Variants in TMEM106C observed in about 807,000 individuals in gnomAD.
TMEM106C encodes transmembrane protein 106C.
TMEM106C carries 27 observed loss-of-function variants against 30.8 expected under a neutral mutation model. That is an observed-to-expected ratio of 0.88 (90% confidence interval 0.65 to 1.21). The LOEUF (loss-of-function observed/expected upper bound fraction) is 1.21, where lower values mean the gene tolerates loss of function less well. Among genes scored for constraint, TMEM106C ranks in the 50% most tolerant of loss-of-function variants. TMEM106C has a pLI of 0.00. For synonymous variants in TMEM106C, 123 were observed against 118.8 expected (o/e 1.04, Z -0.23); for missense variants, 288 against 307.8 (o/e 0.94, Z 0.48).
intron 5 of TMEM106C, 47 bp downstream of exon 5, chr12:47,966,276 G>T (rs1432356874): frequency 6.3e-6 from 10 of 1,595,376 alleles, no homozygotes; most frequent in Non-Finnish European, 8.6e-6. Flanking sequence ...TAAGAGAAGA[G>T]TAGGGGGCTG....
intron 7 of TMEM106C, 142 bp downstream of exon 7, chr12:47,967,403 AC>A (rs1938275086): frequency 1.3e-6 from 1 of 782,744 alleles, no homozygotes; most frequent in East Asian, 2.4e-5. Context: ...GATACAGTAG[AC>A]CCTTGGTGTT....
chr12:47,964,666 C>T, intron 2 of TMEM106C: 2 of 528,908 alleles, frequency 3.8e-6, no homozygotes, highest in Non-Finnish European at 3.4e-6. Context: ...TTGGAACATT[C>T]AGTTCGCTCT....
chr12:47,966,288 A>G lies in TMEM106C; in HGVS notation c.552+59A>G. 3.2e-6 allele frequency: 5 copies of G among 1,585,926 alleles called. No homozygotes were observed. The South Asian group carries it at 5.6e-5, about 18-fold the overall frequency. Reference sequence around the variant, plus strand: ...GCCTAAGAGAAGAGTAGGGGGCTGTAGGAATGCCATAGCTGTGTCACTTTC... The same window carrying G: ...GCCTAAGAGAAGAGTAGGGGGCTGTGGGAATGCCATAGCTGTGTCACTTTC... On this transcript the variant is annotated intron_variant, in intron 5 of 7. Coordinates refer to ENST00000429772, the MANE Select transcript of TMEM106C (RefSeq NM_001143842.2).
intron 1 of TMEM106C, 107 bp from the exon 2 acceptor site, chr12:47,964,102 A>T (rs1938138647): frequency 4.5e-6 from 4 of 891,132 alleles, no homozygotes; most frequent in Non-Finnish European, 6.9e-6. Context: ...GACCACACTC[A>T]GGGCGGCAAC....
At position 47,965,313 on chromosome 12, in the gene TMEM106C, A is replaced by C. The variant is rs1938186039; in HGVS notation, c.219A>C (p.Pro73=). 6.2e-7 allele frequency: 1 copy of C among 1,614,146 alleles called. No individual in the cohort carries two copies. Among genetic ancestry groups the C allele is most frequent in the Non-Finnish European group, 8.5e-7 (1 of 1,180,010 alleles). Reference sequence around the variant, plus strand: ...TAAATGAGTTGGTGGCTTTGATCCCACACAGTGATCAGAGATTGCGCCCTC... The same window carrying C: ...TAAATGAGTTGGTGGCTTTGATCCCCCACAGTGATCAGAGATTGCGCCCTC... The part of the protein sequence containing the change: ...EQVNELVALI[P]HSDQRLRPQR... The change falls in exon 3 of 8, where the codon CCA becomes CCC. Residue 73 remains proline, a synonymous_variant. Transcript: ENST00000429772.
At chr12:47,967,106 G>T in intron 6 of TMEM106C, 102 bp from the exon 7 acceptor site, 2 of 1,217,070 alleles carry the variant, frequency 1.6e-6, no homozygotes, top group South Asian at 2.5e-5. Flanking sequence ...TAGGTCGGAA[G>T]GGGGAGGGGG....
intron 1 of TMEM106C, 68 bp from the exon 2 acceptor site, chr12:47,964,141 A>G (rs1938140060): frequency 7.2e-7 from 1 of 1,397,080 alleles, no homozygotes; most frequent in Admixed American, 2.1e-5. Context: ...TAATTTTCTT[A>G]TAGAAACAAG....
In TMEM106C at chr12:47,968,634, C is replaced by A; in HGVS notation, c.*405C>A. Reference sequence around the variant, plus strand: ...TGCCTCATCTGTGCAGAAGTGGCAGCAGAGAGGGACCATCCAAATACCTAA... The same window carrying A: ...TGCCTCATCTGTGCAGAAGTGGCAGAAGAGAGGGACCATCCAAATACCTAA... On this transcript the variant is annotated 3_prime_UTR_variant, in exon 8 of 8. Transcript: ENST00000429772. 1 of 281,592 alleles carries A rather than the reference C, an allele frequency of 3.6e-6. No individual in the cohort carries two copies. Among genetic ancestry groups the A allele is most frequent in the Non-Finnish European group, 7.0e-6 (1 of 143,726 alleles). 17.4% of individuals were successfully genotyped at this position (281,592 alleles called of 1,614,324 possible).
chr12:47,965,403 A>G, intron 3 of TMEM106C, 58 bp downstream of exon 3: 3 of 1,409,702 alleles, frequency 2.1e-6, no homozygotes, highest in Non-Finnish European at 3.0e-6. Flanking sequence ...CTCTTTCTGT[A>G]TGTATGAATG....
At chr12:47,964,740 G>A (rs531583882) in intron 2 of TMEM106C, 28 of 374,448 alleles carry the variant, frequency 7.5e-5, no homozygotes, top group Middle Eastern at 7.7e-4. Context: ...GGACAGCTTT[G>A]CGGGGGAACC....
At position 47,966,726 on chromosome 12, in the gene TMEM106C, A is replaced by AT; in HGVS notation, c.597dup (p.Val200CysfsTer9). Reference sequence around the variant, plus strand: ...GCCGAGATGGGAGGACCGTTTTCCTATGTGTAGTAAGGACACTGTTCTCTC... The same window carrying AT: ...GCCGAGATGGGAGGACCGTTTTCCTATTGTGTAGTAAGGACACTGTTCTCTC... On this transcript the variant is annotated frameshift_variant, in exon 6 of 8. Transcript: ENST00000429772. LOFTEE classifies it high-confidence loss of function. The AT allele has an allele frequency of 6.2e-7, 1 of 1,614,076 alleles. No homozygotes were observed. The highest frequency in any genetic ancestry group is 8.5e-7 in the Non-Finnish European group (1 of 1,179,996).
At chr12:47,966,426 G>A (rs977867315) in intron 5 of TMEM106C, 197 bp downstream of exon 5, 32 of 724,902 alleles carry the variant, frequency 4.4e-5, no homozygotes, top group Admixed American at 2.7e-4. Context: ...CATTTGGGGA[G>A]CAGAATAATT....
chr12:47,966,355 G>A (rs964560562), intron 5 of TMEM106C, 126 bp downstream of exon 5: 2 of 1,135,716 alleles, frequency 1.8e-6, no homozygotes, highest in Admixed American at 2.5e-5. Flanking sequence ...CTGGTGATGA[G>A]GAAGACCTGT....
rs934538082 is a variant in TMEM106C, at chr12:47,964,572, G to T, written c.187+149G>T. On this transcript the variant is annotated intron_variant, in intron 2 of 7. Transcript: ENST00000429772. ...CCAGCTCAACTGACTTAATACACTT[G>T]GGCAGTTCTGCAACTTCTCTTCCTC... 3 of 666,094 alleles carry T rather than the reference G, an allele frequency of 4.5e-6. No homozygotes were observed. The Admixed American group carries it at 7.9e-5, about 17-fold the overall frequency. The allele number at this position is 666,094 out of a possible 1,614,324, so 41.3% of individuals were successfully genotyped here. A position where few individuals can be genotyped will look rare whatever the true frequency, so the allele number is the denominator to read the frequency against.
intron 5 of TMEM106C, 169 bp downstream of exon 5, chr12:47,966,398 AAAC>A (rs1464460438): frequency 1.0e-5 from 8 of 795,762 alleles, no homozygotes; most frequent in Non-Finnish European, 1.5e-5. Context: ...TTGTGAGAAA[AAAC>A]AGCTATCATT....
chr12:47,967,377 G>C, intron 7 of TMEM106C, 116 bp downstream of exon 7: 2 of 985,774 alleles, frequency 2.0e-6, no homozygotes, highest in Non-Finnish European at 1.6e-6. Flanking sequence ...GGGACACCCT[G>C]TGCCTCACAG....
rs1161742452 is a variant in TMEM106C at position 47,968,649 on chromosome 12, C to T, written c.*420C>T. 4.0e-6 allele frequency: 1 copy of T among 252,066 alleles called. No individual in the cohort carries two copies. The highest frequency in any genetic ancestry group is 7.8e-6 in the Non-Finnish European group (1 of 127,694). 15.6% of individuals were successfully genotyped at this position (252,066 alleles called of 1,614,324 possible). ...GAAGTGGCAGCAGAGAGGGACCATC[C>T]AAATACCTAAGAGAAAACAGACCTA... is the stretch of plus-strand genomic sequence containing the variant. On this transcript the variant is annotated 3_prime_UTR_variant, in exon 8 of 8. Coordinates refer to ENST00000429772, the MANE Select transcript of TMEM106C (RefSeq NM_001143842.2).
Position 47,967,321 on chromosome 12 carries a change from T to C in TMEM106C, c.656+60T>C, listed in dbSNP as rs1938270807. ...GGCCATGTGAGCCTACCACCTTTGC[T>C]CAGGAGGCCCCTGTGTGACCACAGG... On this transcript the variant is annotated intron_variant, in intron 7 of 7. Coordinates refer to ENST00000429772, the MANE Select transcript of TMEM106C (RefSeq NM_001143842.2). The C allele has an allele frequency of 2.5e-6, 4 of 1,584,288 alleles. No homozygotes were observed. In the South Asian group the frequency reaches 4.4e-5, roughly 18 times the overall value.
At chr12:47,966,369 G>A in intron 5 of TMEM106C, 140 bp downstream of exon 5, 2 of 958,316 alleles carry the variant, frequency 2.1e-6, no homozygotes, top group Non-Finnish European at 1.5e-6. Context: ...GACCTGTTGG[G>A]CCCTGTAATT....
Sources: gnomAD v4.1 joint callset for allele counts on GRCh38, gnomAD v4.1.1 for gene constraint, MANE v1.5 for transcripts, NCBI Gene and HGNC (gene_info 2026-07-23, HGNC 2026-07-21) for gene names.